The following LRRC27 variants were observed in gnomAD, a reference collection of about 807,000 sequenced individuals.
LRRC27 encodes leucine-rich repeat-containing protein 27.
Under a neutral mutation model 55.0 loss-of-function variants are expected in LRRC27, and 57 were observed. The observed-to-expected ratio is 1.04, with a 90% CI of 0.84 to 1.29. The LOEUF is 1.29. Among genes scored for constraint, LRRC27 ranks in the 50% most tolerant of loss-of-function variants. The probability of loss-of-function intolerance (pLI) is 0.00; values close to 1 mark genes in which losing one functional copy is unlikely to be tolerated. For synonymous variants in LRRC27, 278 were observed against 251.9 expected (o/e 1.10, Z -0.98); for missense variants, 721 against 651.5 (o/e 1.11, Z -1.16).
At chr10:132,359,809 A>T (rs2068525237) in intron 8 of LRRC27, among the ~76,000 whole-genome samples, 1 of 152,260 alleles carries the variant, frequency 6.6e-6, no homozygotes, top group Admixed American at 6.5e-5. Flanking sequence ...ACTTGAGCCC[A>T]TATTTTGGGC....
upstream of LRRC27, chr10:132,331,729 C>T (rs770350693): frequency 2.2e-5 from 35 of 1,612,354 alleles, no homozygotes; most frequent in East Asian, 3.8e-4. Flanking sequence ...CCAGACGGCA[C>T]TTAGCATCCC....
At position 132,364,342 on chromosome 10, in the gene LRRC27, A is replaced by C. The variant is rs375143983; in HGVS notation, c.1290-1082A>C. On this transcript the variant is annotated intron_variant, in intron 9 of 10. Coordinates refer to ENST00000368614, the MANE Select transcript of LRRC27 (RefSeq NM_030626.3). Reference sequence around the variant, plus strand: ...ACACCACACCCATGACCACACCCACACTTAATCTACCTCCACACCCGCGCT... The same window carrying C: ...ACACCACACCCATGACCACACCCACCCTTAATCTACCTCCACACCCGCGCT... 4.5e-3 allele frequency among the ~76,000 whole-genome samples: 109 copies of C among 24,204 alleles called. 19 individuals are homozygous for C. Among genetic ancestry groups the C allele is most frequent in the Middle Eastern group, 0.03 (2 of 66 alleles). The allele number at this position is 24,204 out of a possible 152,430, so 15.9% of individuals were successfully genotyped here.
At chr10:132,360,752 G>A (rs890365247) in intron 8 of LRRC27, among the ~76,000 whole-genome samples, 3 of 152,150 alleles carry the variant, frequency 2.0e-5, no homozygotes, top group South Asian at 4.1e-4. Flanking sequence ...TGGACCCTAC[G>A]AGTCTCCACA....
rs2067864155 is a variant in LRRC27, at chr10:132,348,982, C to G, written c.926+626C>G. 1 of 1,609,306 alleles carries G rather than the reference C, an allele frequency of 6.2e-7. No individual in the cohort carries two copies. The highest frequency in any genetic ancestry group is 2.2e-5 in the East Asian group (1 of 44,782). ...ACCCAGGACAAGGGTCCCTAGGAAA[C>G]AGGCTCTGCAGAGACTACATGAGAG... On this transcript the variant is annotated intron_variant, in intron 6 of 10. Coordinates refer to ENST00000368614, the MANE Select transcript of LRRC27 (RefSeq NM_030626.3). The surrounding 1 kb of genome is among the most constrained non-coding windows in gnomAD (Gnocchi z 4.2).
At chr10:132,331,310 G>A (rs561729745), upstream of LRRC27, 27 of 941,784 alleles carry the variant, frequency 2.9e-5, no homozygotes, top group South Asian at 4.7e-4. Context: ...TTCATTATCA[G>A]TTGGATCCTG....
chr10:132,340,714 C>G (rs2067370503), intron 3 of LRRC27, among the ~76,000 whole-genome samples: 1 of 151,200 alleles, frequency 6.6e-6, no homozygotes, highest in African/African-American at 2.4e-5. Context: ...GCCTATAGTC[C>G]CAGCACTTTG....
chr10:132,337,331 C>G (rs186115699), intron 2 of LRRC27: 102 of 1,326,962 alleles, frequency 7.7e-5, no homozygotes, highest in Non-Finnish European at 8.5e-5. Flanking sequence ...GCCGGCTCTT[C>G]AGGAAGTCAG....
chr10:132,367,279 C>T (rs1590731641), intron 10 of LRRC27, among the ~76,000 whole-genome samples: 1 of 152,244 alleles, frequency 6.6e-6, no homozygotes, highest in East Asian at 1.9e-4. Context: ...AAATCACAGG[C>T]CCAGAAGTGT....
At chr10:132,340,886 A>AG (rs2067381553) in intron 3 of LRRC27, among the ~76,000 whole-genome samples, 1 of 152,010 alleles carries the variant, frequency 6.6e-6, no homozygotes, top group Non-Finnish European at 1.5e-5. Context: ...ATCTCAAAAA[A>AG]AAAAAAAAAA....
At chr10:132,341,612 C>T (rs2067418878) in intron 3 of LRRC27, among the ~76,000 whole-genome samples, 1 of 152,040 alleles carries the variant, frequency 6.6e-6, no homozygotes, top group Admixed American at 6.6e-5. Context: ...GAAATGCTGC[C>T]TTAGCTGAGT....
chr10:132,354,438 G>GC (rs1210807825), intron 7 of LRRC27, among the ~76,000 whole-genome samples: 2 of 152,158 alleles, frequency 1.3e-5, no homozygotes, highest in East Asian at 3.9e-4. Flanking sequence ...CAGGAGCGCA[G>GC]CGGGGCCAGC....
At chr10:132,366,228 G>C (rs991154734) in intron 10 of LRRC27, 2 of 154,030 alleles carry the variant, frequency 1.3e-5, no homozygotes, top group African/African-American at 4.8e-5. Context: ...TGGGCCATGA[G>C]GGGCGTCACT....
intron 1 of LRRC27, among the ~76,000 whole-genome samples, chr10:132,332,920 C>T (rs1003716417): frequency 3.3e-5 from 5 of 152,084 alleles, no homozygotes; most frequent in African/African-American, 1.2e-4. Flanking sequence ...GTGAACAATA[C>T]TTCTGAGTAA....
intron 3 of LRRC27, among the ~76,000 whole-genome samples, chr10:132,341,830 C>G (rs2138669611): frequency 1.3e-5 from 2 of 152,310 alleles, no homozygotes; most frequent in Non-Finnish European, 2.9e-5. Flanking sequence ...GTGTGAAAGC[C>G]TAAAATAGAG....
At chr10:132,337,754 T>A (rs921706832) in intron 3 of LRRC27, 59 bp downstream of exon 3, 6 of 1,577,496 alleles carry the variant, frequency 3.8e-6, no homozygotes, top group Non-Finnish European at 4.3e-6. Context: ...GAGTGCCTGT[T>A]CTTTCGCTCC....
At chr10:132,368,783 CAG>C (rs2069152949) in intron 10 of LRRC27, among the ~76,000 whole-genome samples, 1 of 152,168 alleles carries the variant, frequency 6.6e-6, no homozygotes, top group Non-Finnish European at 1.5e-5. Context: ...AGATCCATGA[CAG>C]AAATAATTGA....
chr10:132,330,626 C>T (rs1281608387), upstream of LRRC27: 1 of 674,388 alleles, frequency 1.5e-6, no homozygotes, highest in African/African-American at 1.8e-5. Flanking sequence ...TCTTGCCTCA[C>T]CCTCCCACAC....
chr10:132,346,698 C>T (rs1419967546), intron 5 of LRRC27, among the ~76,000 whole-genome samples: 1 of 152,128 alleles, frequency 6.6e-6, no homozygotes, highest in Admixed American at 6.6e-5. Flanking sequence ...AGTCTTTTTG[C>T]TGTATCCCAC....
At chr10:132,362,427 T>C (rs558426434) in intron 9 of LRRC27, among the ~76,000 whole-genome samples, 2 of 152,236 alleles carry the variant, frequency 1.3e-5, no homozygotes, top group East Asian at 3.9e-4. Context: ...TGAGGAGCAC[T>C]GGGTGGCCCG....
Sources: allele counts gnomAD v4.1 joint callset (sites outside exome capture counted in the v4.1 genomes callset), GRCh38; gene constraint gnomAD v4.1.1; non-coding constraint Gnocchi (gnomAD v3.1); transcripts MANE v1.5; gene names NCBI Gene and HGNC (gene_info 2026-07-23, HGNC 2026-07-21).